The following HACL2 variants were observed in gnomAD, a reference collection of about 807,000 sequenced individuals.
HACL2 encodes 2-hydroxyacyl-CoA lyase 1 like.
At chr19:15,116,005 G>T in the HACL2 span, 40 of 1,614,104 alleles carry the variant, frequency 2.5e-5, no homozygotes, top group South Asian at 3.7e-4. Context: ...CCTCACCTCA[G>T]CATCTGGCCG....
chr19:15,119,348 G>A, the HACL2 span: 21 of 1,605,780 alleles, frequency 1.3e-5, no homozygotes, highest in African/African-American at 8.0e-5. Flanking sequence ...GGGGCCTCCC[G>A]CCTCCCCAAG....
At chr19:15,121,747 G>C in the HACL2 span, among the ~76,000 whole-genome samples, 1 of 150,888 alleles carries the variant, frequency 6.6e-6, no homozygotes, top group Non-Finnish European at 1.5e-5. Context: ...GGGAGGCGGA[G>C]GTTGCAGTGA....
the HACL2 span, among the ~76,000 whole-genome samples, chr19:15,120,914 AGAGT>A: frequency 1.3e-5 from 2 of 151,394 alleles, no homozygotes; most frequent in African/African-American, 2.5e-5. Context: ...CCTGGGTGAT[AGAGT>A]GAGGCCCTGT....
At chr19:15,115,535 T>C in the HACL2 span, 1 of 1,604,878 alleles carries the variant, frequency 6.2e-7, no homozygotes, top group Non-Finnish European at 8.5e-7. Flanking sequence ...AACAGCCTCC[T>C]GTCCTCCCAA....
the HACL2 span, chr19:15,124,775 A>G: frequency 1.0e-5 from 11 of 1,065,258 alleles, no homozygotes; most frequent in South Asian, 5.0e-5. Context: ...GGCAATGGAG[A>G]CAGGGCCCTG....
At chr19:15,123,244 C>G in the HACL2 span, 1 of 1,613,762 alleles carries the variant, frequency 6.2e-7, no homozygotes, top group Admixed American at 1.7e-5. This position sits in a 1 kb window ranked among gnomAD's most constrained non-coding sequence, Gnocchi z 5.1. Context: ...CCCACCGTCC[C>G]TGGAACACAG....
At chr19:15,121,482 G>GAA in the HACL2 span, among the ~76,000 whole-genome samples, 1 of 152,118 alleles carries the variant, frequency 6.6e-6, no homozygotes, top group Non-Finnish European at 1.5e-5. Flanking sequence ...GAAGGAGGAA[G>GAA]AAGAGGAAGA....
At chr19:15,116,926 G>GT in the HACL2 span, 1 of 196,328 alleles carries the variant, frequency 5.1e-6, no homozygotes, top group Non-Finnish European at 1.0e-5. Context: ...GCCCCGTGAT[G>GT]TATCTTTCAC....
the HACL2 span, chr19:15,115,742 G>C: frequency 6.4e-7 from 1 of 1,570,662 alleles, no homozygotes; most frequent in Non-Finnish European, 8.8e-7. Context: ...GACAGAGACA[G>C]GGATAGGGCC....
At chr19:15,123,375 C>T in the HACL2 span, 53 of 1,612,746 alleles carry the variant, frequency 3.3e-5, no homozygotes, top group African/African-American at 6.7e-5. The surrounding 1 kb of genome is among the most constrained non-coding windows in gnomAD (Gnocchi z 5.1). Flanking sequence ...ATGCCCTCAC[C>T]GGACAGGCGG....
chr19:15,119,663 G>A, the HACL2 span: 15 of 717,280 alleles, frequency 2.1e-5, no homozygotes, highest in African/African-American at 7.2e-5. Flanking sequence ...CGATTCTCCC[G>A]CCTCAGCCTC....
the HACL2 span, among the ~76,000 whole-genome samples, chr19:15,118,200 T>C: frequency 2.6e-5 from 4 of 152,254 alleles, no homozygotes; most frequent in East Asian, 7.7e-4. Context: ...ATGACATGCT[T>C]TGGCCAACAG....
At chr19:15,120,029 G>A in the HACL2 span, 3 of 1,550,828 alleles carry the variant, frequency 1.9e-6, no homozygotes, top group Non-Finnish European at 2.6e-6. Context: ...GGTCCCTCGG[G>A]CTGAGGCTCC....
the HACL2 span, chr19:15,115,235 T>A: frequency 6.2e-7 from 1 of 1,613,736 alleles, no homozygotes; most frequent in African/African-American, 1.3e-5. Flanking sequence ...CAGCCAAGCG[T>A]CCTGACCCAC....
the HACL2 span, chr19:15,115,257 C>G: frequency 1.8e-5 from 29 of 1,614,132 alleles, no homozygotes; most frequent in Admixed American, 3.3e-5. Context: ...AGGCCCTATA[C>G]AGCAATGGAG....
the HACL2 span, among the ~76,000 whole-genome samples, chr19:15,121,503 A>G: frequency 2.0e-5 from 3 of 152,014 alleles, no homozygotes; most frequent in African/African-American, 7.2e-5. Context: ...GGAGGAGGAG[A>G]AGAAAGGAAA....
the HACL2 span, chr19:15,116,260 C>G: frequency 6.2e-7 from 1 of 1,614,042 alleles, no homozygotes; most frequent in Non-Finnish European, 8.5e-7. Context: ...AGCGTTTCCT[C>G]CACCAGCTGC....
chr19:15,122,943 T>A, the HACL2 span: 1 of 1,605,566 alleles, frequency 6.2e-7, no homozygotes, highest in Non-Finnish European at 8.5e-7. The surrounding 1 kb of genome is among the most constrained non-coding windows in gnomAD (Gnocchi z 4.0). Flanking sequence ...GTGGGCACAA[T>A]GTCCCGCACC....
At chr19:15,124,610 T>C in the HACL2 span, 8 of 382,364 alleles carry the variant, frequency 2.1e-5, no homozygotes, top group East Asian at 2.7e-4. Context: ...CTGCCCCATT[T>C]ATCCCATCCA....
Sources: gnomAD v4.1 joint callset for allele counts (sites outside exome capture counted in the v4.1 genomes callset) on GRCh38, gnomAD v4.1.1 for gene constraint, Gnocchi (gnomAD v3.1) non-coding constraint, MANE v1.5 for transcripts, NCBI Gene and HGNC (gene_info 2026-07-23, HGNC 2026-07-21) for gene names.